CNBD1: variants seen among roughly 807,000 people sequenced by gnomAD.
CNBD1 encodes cyclic nucleotide binding domain containing 1.
In CNBD1, 71 loss-of-function variants were observed where a neutral mutation model predicts 54.4. That is an observed-to-expected ratio of 1.30 (90% CI 1.08 to 1.59). The LOEUF (loss-of-function observed/expected upper bound fraction) is 1.59, where lower values mean the gene tolerates loss of function less well. Among genes scored for constraint, CNBD1 ranks in the 40% most tolerant of loss-of-function variants. CNBD1 has a pLI of 0.00. For missense variants in CNBD1, 659 were observed against 518.0 expected (o/e 1.27, Z -2.64); for synonymous variants, 182 against 170.7 (o/e 1.07, Z -0.51).
chr8:87,330,877 A>T (rs1241132269), intron 8 of CNBD1, among the ~76,000 whole-genome samples: 1 of 152,168 alleles, frequency 6.6e-6, no homozygotes, highest in Non-Finnish European at 1.5e-5. Context: ...TACATAATAG[A>T]TTAATATTAG....
intron 3 of CNBD1, among the ~76,000 whole-genome samples, chr8:86,920,716 C>T (rs1809257301): frequency 1.3e-5 from 2 of 152,102 alleles, no homozygotes; most frequent in Middle Eastern, 3.4e-3. Context: ...ACGTTTTAGG[C>T]AAAAAATTGA....
Position 86,970,631 on chromosome 8 carries a change from A to G in CNBD1, c.431+30877A>G, listed in dbSNP as rs540903117. On this transcript the variant is annotated intron_variant, in intron 4 of 10. Transcript: ENST00000518476. ...CTCCCTCCCACCTGTAGTAGTCCAC[A>G]GTGTCCATTGTTGCCATCTTTAAGT... is the stretch of plus-strand genomic sequence containing the variant. Among the ~76,000 whole-genome samples, 323 of 151,830 alleles carry G rather than the reference A, an allele frequency of 2.1e-3. 1 individual carries two copies. Among genetic ancestry groups the G allele is most frequent in the African/African-American group, 7.6e-3 (317 of 41,508 alleles).
At chr8:86,933,860 T>G (rs961320849) in intron 3 of CNBD1, among the ~76,000 whole-genome samples, 2 of 152,160 alleles carry the variant, frequency 1.3e-5, no homozygotes, top group African/African-American at 4.8e-5. Context: ...AGTTCTATAG[T>G]GTAACAATCC....
chr8:87,243,911 A>C (rs1440583694), intron 6 of CNBD1, among the ~76,000 whole-genome samples: 1 of 152,154 alleles, frequency 6.6e-6, no homozygotes, highest in Non-Finnish European at 1.5e-5. Context: ...GTGTGACTGG[A>C]GTATAAAGTT....
chr8:87,406,208 T>C (rs113338723), intron 2 of CNBD1, among the ~76,000 whole-genome samples: 1,826 of 152,186 alleles, frequency 0.012, 39 homozygotes, highest in African/African-American at 0.039. Flanking sequence ...CCAATCTTTG[T>C]TCATGTATAG....
At chr8:87,147,693 T>C (rs1812518575) in intron 4 of CNBD1, among the ~76,000 whole-genome samples, 1 of 152,150 alleles carries the variant, frequency 6.6e-6, no homozygotes, top group Non-Finnish European at 1.5e-5. Flanking sequence ...GAATATGACA[T>C]GATTTAGCCT....
At chr8:87,088,125 T>C (rs1304718721) in intron 4 of CNBD1, among the ~76,000 whole-genome samples, 1 of 152,030 alleles carries the variant, frequency 6.6e-6, no homozygotes, top group Non-Finnish European at 1.5e-5. Context: ...TGCTTATGAA[T>C]GTAACTTTAG....
At chr8:87,168,301 G>T (rs1363500170) in intron 4 of CNBD1, among the ~76,000 whole-genome samples, 1 of 151,826 alleles carries the variant, frequency 6.6e-6, no homozygotes, top group Non-Finnish European at 1.5e-5. Context: ...TATTTTATGG[G>T]TTCATAGTAA....
At chr8:87,273,475 A>G (rs1808410363) in intron 6 of CNBD1, among the ~76,000 whole-genome samples, 1 of 151,954 alleles carries the variant, frequency 6.6e-6, no homozygotes, top group Non-Finnish European at 1.5e-5. Context: ...CAAAATAACA[A>G]CAAACCAATG....
At chr8:87,379,779 AT>A (rs1811036961) in intron 10 of CNBD1, among the ~76,000 whole-genome samples, 1 of 152,010 alleles carries the variant, frequency 6.6e-6, no homozygotes, top group African/African-American at 2.4e-5. Context: ...TATATAAAAA[AT>A]GAAATAATTT....
intron 4 of CNBD1, among the ~76,000 whole-genome samples, chr8:87,117,170 G>A (rs373766736): frequency 6.6e-6 from 1 of 152,158 alleles, no homozygotes; most frequent in Admixed American, 6.5e-5. Flanking sequence ...AGGCCAAGGC[G>A]GGTGGATCAC....
chr8:87,390,012 T>G (rs1403961831), intron 2 of CNBD1, among the ~76,000 whole-genome samples: 1 of 146,938 alleles, frequency 6.8e-6, no homozygotes, highest in Non-Finnish European at 1.5e-5. Context: ...ATTCCCTATT[T>G]AATAAATGGT....
At chr8:87,329,512 A>G (rs1809769755) in intron 8 of CNBD1, among the ~76,000 whole-genome samples, 1 of 152,130 alleles carries the variant, frequency 6.6e-6, no homozygotes, top group Non-Finnish European at 1.5e-5. Flanking sequence ...ATCTTAAAAT[A>G]TTGGAGCCTT....
intron 8 of CNBD1, among the ~76,000 whole-genome samples, chr8:87,305,638 G>A (rs751308951): frequency 1.3e-5 from 2 of 151,934 alleles, no homozygotes; most frequent in Non-Finnish European, 2.9e-5. Flanking sequence ...CAAAGCAAAC[G>A]AAAACATAAA....
chr8:87,413,333 G>T (rs1370214542), intron 2 of CNBD1, among the ~76,000 whole-genome samples: 1 of 151,942 alleles, frequency 6.6e-6, no homozygotes, highest in African/African-American at 2.4e-5. Flanking sequence ...TTCTATAGTT[G>T]TGTTTTAAAA....
chr8:87,009,008 G>A (rs1008157807), intron 4 of CNBD1, among the ~76,000 whole-genome samples: 11 of 151,154 alleles, frequency 7.3e-5, no homozygotes, highest in African/African-American at 2.4e-4. Context: ...TATAACTATT[G>A]GTTTTTTATT....
intron 4 of CNBD1, among the ~76,000 whole-genome samples, chr8:86,955,153 G>C (rs1461113666): frequency 1.3e-5 from 2 of 152,062 alleles, no homozygotes; most frequent in Non-Finnish European, 2.9e-5. Flanking sequence ...TCCCTACAAA[G>C]GACATGAACT....
At chr8:87,171,733 G>A (rs989809229) in intron 4 of CNBD1, among the ~76,000 whole-genome samples, 1 of 151,756 alleles carries the variant, frequency 6.6e-6, no homozygotes, top group African/African-American at 2.4e-5. Flanking sequence ...TCATCTCCTG[G>A]GTTCAAGCAA....
At chr8:87,188,846 TA>T (rs1813538931) in intron 4 of CNBD1, among the ~76,000 whole-genome samples, 1 of 148,934 alleles carries the variant, frequency 6.7e-6, no homozygotes, top group Non-Finnish European at 1.5e-5. Flanking sequence ...TTGGTTGATT[TA>T]AAACATCTAA....
Sources: gnomAD v4.1 joint callset for allele counts (sites outside exome capture counted in the v4.1 genomes callset) on GRCh38, gnomAD v4.1.1 for gene constraint, MANE v1.5 for transcripts, NCBI Gene and HGNC (gene_info 2026-07-23, HGNC 2026-07-21) for gene names.